The following LYPLAL1 variants were observed in gnomAD, a reference collection of about 807,000 sequenced individuals.
The protein encoded by LYPLAL1 is lysophospholipase-like protein 1.
In LYPLAL1, 23 loss-of-function variants were observed where a neutral mutation model predicts 19.7. The ratio of observed to expected loss-of-function variants is 1.17; its 90% CI spans 0.84 to 1.65. The LOEUF (loss-of-function observed/expected upper bound fraction) is 1.65. LYPLAL1 is among the 40% of genes most tolerant of loss of function. The probability of loss-of-function intolerance (pLI) is 0.00; values close to 1 mark genes in which losing one functional copy is unlikely to be tolerated. For missense variants in LYPLAL1, 355 were observed against 279.4 expected, an observed-to-expected ratio of 1.27 and a Z score of -1.93; for synonymous variants, 119 against 96.3, an observed-to-expected ratio of 1.24 and a Z score of -1.38.
chr1:219,246,964 C>T, the LYPLAL1 span, among the ~76,000 whole-genome samples: 4 of 152,180 alleles, frequency 2.6e-5, no homozygotes, highest in African/African-American at 9.7e-5. Flanking sequence ...CTAAGTTAAA[C>T]TGCTGGCCCA....
the LYPLAL1 span, among the ~76,000 whole-genome samples, chr1:219,238,122 CTTT>C: frequency 9.6e-6 from 1 of 103,892 alleles, no homozygotes; most frequent in Non-Finnish European, 1.8e-5. Flanking sequence ...TGGATCTAAA[CTTT>C]TTTTTTTTTT....
chr1:219,287,470 T>C, the LYPLAL1 span, among the ~76,000 whole-genome samples: 1 of 152,136 alleles, frequency 6.6e-6, no homozygotes, highest in Non-Finnish European at 1.5e-5. Flanking sequence ...GATATGCAAA[T>C]TGAAACAACA....
the LYPLAL1 span, among the ~76,000 whole-genome samples, chr1:219,421,221 C>G: frequency 6.6e-6 from 1 of 152,120 alleles, no homozygotes; most frequent in Non-Finnish European, 1.5e-5. Context: ...GTTGGGACAT[C>G]TAATCAATCC....
chr1:219,373,449 G>T, the LYPLAL1 span, among the ~76,000 whole-genome samples: 4 of 152,050 alleles, frequency 2.6e-5, no homozygotes, highest in African/African-American at 9.7e-5. Flanking sequence ...TCTCAAAAGG[G>T]GTGTCTTGGT....
At chr1:219,321,938 T>A in the LYPLAL1 span, among the ~76,000 whole-genome samples, 1 of 152,204 alleles carries the variant, frequency 6.6e-6, no homozygotes, top group Non-Finnish European at 1.5e-5. Flanking sequence ...GCACAATTTC[T>A]TGCTGAACTT....
the LYPLAL1 span, among the ~76,000 whole-genome samples, chr1:219,405,839 C>T: frequency 2.0e-5 from 3 of 152,156 alleles, no homozygotes; most frequent in Admixed American, 6.5e-5. Flanking sequence ...ATTGCTTCCT[C>T]ATTAGAGGTC....
intron 1 of LYPLAL1, among the ~76,000 whole-genome samples, chr1:219,175,349 T>C (rs541855571): frequency 6.6e-6 from 1 of 152,286 alleles, no homozygotes; most frequent in Admixed American, 6.5e-5. Context: ...GTGTGTAAGA[T>C]GACAGCGGTA....
the LYPLAL1 span, among the ~76,000 whole-genome samples, chr1:219,407,981 A>G: frequency 4.1e-3 from 621 of 152,144 alleles, 7 homozygotes; most frequent in African/African-American, 0.015. Context: ...TTCATGATCT[A>G]TTTACCTCCC....
chr1:219,235,768 A>T, the LYPLAL1 span, among the ~76,000 whole-genome samples: 4 of 152,184 alleles, frequency 2.6e-5, no homozygotes, highest in African/African-American at 9.6e-5. Flanking sequence ...TACTTGCTTT[A>T]TACATGAATT....
the LYPLAL1 span, among the ~76,000 whole-genome samples, chr1:219,241,132 CTCTATATATATA>C: frequency 3.5e-5 from 2 of 57,512 alleles, no homozygotes; most frequent in South Asian, 6.1e-4. Context: ...CTCTCTCTCT[CTCTATATATATA>C]TATATATATA....
chr1:219,410,544 T>C, the LYPLAL1 span, among the ~76,000 whole-genome samples: 7 of 152,372 alleles, frequency 4.6e-5, no homozygotes, highest in Non-Finnish European at 1.0e-4. Context: ...GGGCTCCCAC[T>C]TGGTGGCATT....
At chr1:219,397,856 T>C in the LYPLAL1 span, among the ~76,000 whole-genome samples, 1 of 152,214 alleles carries the variant, frequency 6.6e-6, no homozygotes, top group Non-Finnish European at 1.5e-5. Context: ...TTTTTTCTTC[T>C]TTAAAAATGT....
At chr1:219,228,615 A>G in the LYPLAL1 span, among the ~76,000 whole-genome samples, 1 of 152,004 alleles carries the variant, frequency 6.6e-6, no homozygotes, top group Non-Finnish European at 1.5e-5. Context: ...TCACTGTGGT[A>G]AGTAGTTATC....
At chr1:219,269,828 G>A in the LYPLAL1 span, among the ~76,000 whole-genome samples, 3 of 152,092 alleles carry the variant, frequency 2.0e-5, no homozygotes, top group African/African-American at 7.2e-5. Context: ...TGATATAGAG[G>A]CATCATTTTC....
chr1:219,176,891 T>C (rs1375745942), intron 1 of LYPLAL1, among the ~76,000 whole-genome samples: 1 of 152,226 alleles, frequency 6.6e-6, no homozygotes, highest in Admixed American at 6.5e-5. Flanking sequence ...TGTTCTGTGC[T>C]CTGATCATAC....
At chr1:219,289,387 C>A in the LYPLAL1 span, among the ~76,000 whole-genome samples, 3 of 152,078 alleles carry the variant, frequency 2.0e-5, no homozygotes, top group African/African-American at 2.4e-5. Flanking sequence ...ATTCTTCTCA[C>A]AGAATGGAGG....
At chr1:219,278,983 C>A in the LYPLAL1 span, among the ~76,000 whole-genome samples, 1 of 152,068 alleles carries the variant, frequency 6.6e-6, no homozygotes, top group Non-Finnish European at 1.5e-5. Flanking sequence ...TGGAAAATCA[C>A]CTCAAGGTTG....
the LYPLAL1 span, among the ~76,000 whole-genome samples, chr1:219,424,324 T>G: frequency 6.6e-6 from 1 of 152,192 alleles, no homozygotes; most frequent in African/African-American, 2.4e-5. Flanking sequence ...TGACACTTTC[T>G]AAAATCAAAT....
At chr1:219,427,348 T>C in the LYPLAL1 span, among the ~76,000 whole-genome samples, 1 of 152,242 alleles carries the variant, frequency 6.6e-6, no homozygotes, top group Non-Finnish European at 1.5e-5. Context: ...TATGAATTTA[T>C]GGGTTACTCC....
Sources: allele counts gnomAD v4.1 joint callset (sites outside exome capture counted in the v4.1 genomes callset), GRCh38; gene constraint gnomAD v4.1.1; transcripts MANE v1.5; gene names NCBI Gene and HGNC (gene_info 2026-07-23, HGNC 2026-07-21).